Variants in ATXN2 observed in about 807,000 individuals in gnomAD.
The protein encoded by ATXN2 is ataxin 2, also known as ataxin-2.
A neutral mutation model predicts 138.6 loss-of-function variants in ATXN2; 37 were observed. That is an observed-to-expected ratio of 0.27 (90% CI 0.21 to 0.35). The LOEUF is 0.35. Ranked by LOEUF, ATXN2 falls within the 10% of genes least tolerant of loss-of-function variation. ATXN2 has a pLI of 1.00. For synonymous variants in ATXN2, 549 were observed against 543.7 expected, an observed-to-expected ratio of 1.01 and a Z score of -0.13; for missense variants, 1,216 against 1,480.3, an observed-to-expected ratio of 0.82 and a Z score of 2.93.
intron 2 of ATXN2, among the ~76,000 whole-genome samples, chr12:111,554,555 G>C (rs751383554): frequency 5.9e-5 from 9 of 152,102 alleles, no homozygotes; most frequent in Non-Finnish European, 5.9e-5. Flanking sequence ...AGGAACAGAA[G>C]GTCAGGTTTT....
chr12:111,453,759 G>C lies in ATXN2; in HGVS notation c.3357C>G (p.Pro1119=). The change falls in exon 24 of 25, where the codon CCC becomes CCG. Residue 1119 remains proline, a synonymous_variant. Coordinates refer to ENST00000673436, the MANE Select transcript of ATXN2 (RefSeq NM_001372574.1). The surrounding 1 kb of genome is among the most constrained non-coding windows in gnomAD (Gnocchi z 5.4). The stretch of plus-strand genomic sequence containing the variant: ...GTGCACTTTGAGCGAGGGCGGCCTG[G>C]GGACCGCCGGGTGGCTGTGTCGTCA... ...MLMTTQPPGG[P]QAALAQSALQ... is the part of the protein sequence containing the mutation. The C allele has an allele frequency of 6.2e-7, 1 of 1,614,124 alleles. No individual in the cohort carries two copies.
chr12:111,536,785 T>G (rs528167096), intron 5 of ATXN2, among the ~76,000 whole-genome samples: 160 of 146,210 alleles, frequency 1.1e-3, no homozygotes, highest in Non-Finnish European at 1.7e-3. Flanking sequence ...CAGTTTTTTT[T>G]TTTTTTTTTT....
intron 20 of ATXN2, among the ~76,000 whole-genome samples, chr12:111,466,924 AAT>A (rs1876065892): frequency 6.6e-6 from 1 of 152,056 alleles, no homozygotes. Context: ...ATATTTATAA[AAT>A]ATAAATTGTT....
intron 1 of ATXN2, among the ~76,000 whole-genome samples, chr12:111,562,418 TC>T (rs1365746680): frequency 1.4e-4 from 21 of 151,030 alleles, no homozygotes; most frequent in Non-Finnish European, 2.8e-4. Context: ...CAGGACTCTA[TC>T]TCTTAAAAGA....
chr12:111,582,914 C>T (rs566343585), intron 1 of ATXN2, among the ~76,000 whole-genome samples: 14 of 151,774 alleles, frequency 9.2e-5, no homozygotes, highest in African/African-American at 1.7e-4. Context: ...GTGATCCACC[C>T]GCCTCGGCCT....
intron 5 of ATXN2, among the ~76,000 whole-genome samples, chr12:111,548,319 T>C (rs1244578613): frequency 1.3e-5 from 2 of 152,196 alleles, no homozygotes; most frequent in Non-Finnish European, 2.9e-5. Context: ...TAGATTTGTG[T>C]CCTCACTTTA....
At chr12:111,491,230 G>A (rs1277482357) in intron 14 of ATXN2, among the ~76,000 whole-genome samples, 5 of 152,226 alleles carry the variant, frequency 3.3e-5, no homozygotes, top group African/African-American at 9.6e-5. Context: ...TCCAGCCTGG[G>A]CAATAAGAGC....
intron 1 of ATXN2, among the ~76,000 whole-genome samples, chr12:111,576,121 ATAACATAACAT>A (rs916401186): frequency 2.9e-5 from 4 of 139,404 alleles, no homozygotes; most frequent in African/African-American, 1.3e-4. Flanking sequence ...ATAACATAAC[ATAACATAACAT>A]AACATCACAC....
chr12:111,462,235 CCCACTCAGTGTTCCTTGACATAA>C (rs1220530881), intron 21 of ATXN2, among the ~76,000 whole-genome samples: 2 of 152,152 alleles, frequency 1.3e-5, no homozygotes, highest in Non-Finnish European at 2.9e-5. Flanking sequence ...CCAGAAGTTT[CCCACTCAGTGTTCCTTGACATAA>C]ATATTTAAGA....
chr12:111,598,738 G>A lies in ATXN2; in HGVS notation c.251+46C>T, dbSNP rs1455064066. The A allele has an allele frequency of 8.8e-7, 1 of 1,132,328 alleles. No individual in the cohort carries two copies. Among genetic ancestry groups the A allele is most frequent in the East Asian group, 4.2e-5 (1 of 23,674 alleles). The allele number at this position is 1,132,328 out of a possible 1,614,324, so 70.1% of individuals were successfully genotyped here. On this transcript the variant is annotated intron_variant, in intron 1 of 24. Coordinates refer to ENST00000673436, the MANE Select transcript of ATXN2 (RefSeq NM_001372574.1). The surrounding 1 kb of genome is among the most constrained non-coding windows in gnomAD (Gnocchi z 4.5). Reference sequence around the variant, plus strand: ...GACGGCGGCGCGGGCCGCGGGGGAGGGGACGCCGGGCCCGGAGCGGAGGGG... The same window carrying A: ...GACGGCGGCGCGGGCCGCGGGGGAGAGGACGCCGGGCCCGGAGCGGAGGGG...
chr12:111,577,256 ATTAT>A (rs151038991), intron 1 of ATXN2, among the ~76,000 whole-genome samples: 14,351 of 151,560 alleles, frequency 0.095, 2,279 homozygotes, highest in African/African-American at 0.33. Flanking sequence ...GCATGTTTCA[ATTAT>A]TTATTTATTT....
upstream of ATXN2, chr12:111,599,539 C>A: frequency 8.4e-7 from 1 of 1,196,968 alleles, no homozygotes. Context: ...GCCGAGGCGC[C>A]GGGTGGGAGC....
At chr12:111,599,554 G>T (rs952826939), upstream of ATXN2, 19 of 1,181,002 alleles carry the variant, frequency 1.6e-5, no homozygotes, top group Middle Eastern at 3.4e-4. Flanking sequence ...GGGAGCGGAG[G>T]TGCGGATAGG....
chr12:111,574,462 C>CT (rs1353191276), intron 1 of ATXN2, among the ~76,000 whole-genome samples: 1 of 151,768 alleles, frequency 6.6e-6, no homozygotes, highest in African/African-American at 2.4e-5. Flanking sequence ...GGGTCTCACT[C>CT]TGTCGCCTGG....
upstream of ATXN2, chr12:111,599,372 C>G (rs1216505971): frequency 1.7e-6 from 2 of 1,161,744 alleles, no homozygotes; most frequent in Non-Finnish European, 2.1e-6. Context: ...GGGATACGGT[C>G]CCGGGGCCGC....
At chr12:111,468,152 A>T (rs1364566324) in intron 20 of ATXN2, among the ~76,000 whole-genome samples, 1 of 152,260 alleles carries the variant, frequency 6.6e-6, no homozygotes, top group South Asian at 2.1e-4. Context: ...GCAAACAGGA[A>T]AATTGTTAAA....
At chr12:111,531,815 T>C (rs973947602) in intron 5 of ATXN2, among the ~76,000 whole-genome samples, 18 of 152,200 alleles carry the variant, frequency 1.2e-4, no homozygotes, top group African/African-American at 4.1e-4. Context: ...CTTAGCCTTT[T>C]TCTTAATCCA....
At chr12:111,469,942 A>G (rs1195418629) in intron 20 of ATXN2, 166 bp downstream of exon 20, 2 of 785,150 alleles carry the variant, frequency 2.5e-6, no homozygotes, top group Admixed American at 3.2e-5. Flanking sequence ...CTATTTGCCA[A>G]AAGTTATAAA....
intron 1 of ATXN2, among the ~76,000 whole-genome samples, chr12:111,593,048 C>T (rs189246219): frequency 1.8e-4 from 27 of 151,912 alleles, no homozygotes; most frequent in African/African-American, 6.3e-4. Flanking sequence ...ACGGCTGTAG[C>T]TATTTAGGAC....
Sources: allele counts gnomAD v4.1 joint callset (sites outside exome capture counted in the v4.1 genomes callset), GRCh38; gene constraint gnomAD v4.1.1; non-coding constraint Gnocchi (gnomAD v3.1); transcripts MANE v1.5; gene names NCBI Gene and HGNC (gene_info 2026-07-23, HGNC 2026-07-21).